The following VPS54 variants were observed in gnomAD, a reference collection of about 807,000 sequenced individuals.
The protein encoded by VPS54 is vacuolar protein sorting-associated protein 54.
VPS54 carries 45 observed loss-of-function variants against 121.5 expected under a neutral mutation model. That is an observed-to-expected ratio of 0.37 (90% CI 0.29 to 0.47). The LOEUF (loss-of-function observed/expected upper bound fraction) is 0.47. VPS54 is among the 20% of genes least tolerant of loss of function. The pLI, the probability that VPS54 is intolerant of heterozygous loss-of-function variation, is 0.99. For missense variants in VPS54, 1,090 were observed against 1,131.4 expected (o/e 0.96, Z 0.52); for synonymous variants, 371 against 385.8 (o/e 0.96, Z 0.45).
intron 8 of VPS54, among the ~76,000 whole-genome samples, chr2:63,947,846 CTTT>C (rs1358508276): frequency 6.6e-6 from 1 of 151,870 alleles, no homozygotes; most frequent in East Asian, 1.9e-4. Context: ...GTTTTTGCTT[CTTT>C]GTTTTGAGAC....
chr2:63,905,117 C>A lies in VPS54; in HGVS notation c.2626-5536G>T, dbSNP rs535909132. Among the ~76,000 whole-genome samples, 13 of 152,120 alleles carry A rather than the reference C, an allele frequency of 8.5e-5. No homozygotes were observed. In the East Asian group the frequency reaches 2.5e-3, roughly 29 times the overall value. ...AAAAAGGAAAAGAAAGGTCTCAAATCAAAAATCTGGGCTTCTACCTTGAGA... is the reference window on the plus strand; with the variant it reads ...AAAAAGGAAAAGAAAGGTCTCAAATAAAAAATCTGGGCTTCTACCTTGAGA... On this transcript the variant is annotated intron_variant, in intron 20 of 22. Coordinates refer to ENST00000272322, the MANE Select transcript of VPS54 (RefSeq NM_016516.3).
At chr2:63,990,406 C>T (rs1225023291) in intron 1 of VPS54, among the ~76,000 whole-genome samples, 1 of 152,152 alleles carries the variant, frequency 6.6e-6, no homozygotes, top group South Asian at 2.1e-4. Flanking sequence ...GCTCCAGGAC[C>T]AAACTACAAT....
At chr2:63,903,630 C>A (rs1672781491) in intron 20 of VPS54, among the ~76,000 whole-genome samples, 1 of 151,818 alleles carries the variant, frequency 6.6e-6, no homozygotes, top group Admixed American at 6.6e-5. Flanking sequence ...TAGCACACAG[C>A]AGGAGAGAGA....
chr2:64,003,803 ACTT>A (rs1431714486), intron 1 of VPS54, among the ~76,000 whole-genome samples: 4 of 152,138 alleles, frequency 2.6e-5, no homozygotes, highest in African/African-American at 9.7e-5. Context: ...TCAGTTAAAA[ACTT>A]CTTTTGAAAG....
chr2:63,922,712 A>G (rs541849669), intron 12 of VPS54, among the ~76,000 whole-genome samples: 12 of 152,314 alleles, frequency 7.9e-5, no homozygotes, highest in African/African-American at 2.6e-4. Flanking sequence ...CGACATTTCT[A>G]TATAAACAGT....
At chr2:64,001,484 T>C (rs1677878171) in intron 1 of VPS54, among the ~76,000 whole-genome samples, 1 of 152,182 alleles carries the variant, frequency 6.6e-6, no homozygotes, top group South Asian at 2.1e-4. Context: ...GGGTCTCACC[T>C]GAAGCCAGCA....
chr2:63,975,131 C>A, intron 3 of VPS54: 1 of 1,106,292 alleles, frequency 9.0e-7, no homozygotes, highest in Non-Finnish European at 1.3e-6. Context: ...CTGCAACCTC[C>A]ACCTCCTGGG....
In VPS54 at chr2:63,978,290, C is replaced by T. The variant is rs75807254; in HGVS notation, c.378+3356G>A. Among the ~76,000 whole-genome samples the T allele has an allele frequency of 1.3e-3, 203 of 152,254 alleles. 2 individuals are homozygous for T. The East Asian group carries it at 0.021, about 16-fold the overall frequency. On this transcript the variant is annotated intron_variant, in intron 3 of 22. Transcript: ENST00000272322. ...TTGTAGCACTTTAAATTCCCACCAGCGGTATATGAGAGTTCCAGTTACTCC... is the reference window on the plus strand; with the variant it reads ...TTGTAGCACTTTAAATTCCCACCAGTGGTATATGAGAGTTCCAGTTACTCC...
intron 8 of VPS54, among the ~76,000 whole-genome samples, chr2:63,948,503 C>G (rs35975566): frequency 0.18 from 26,239 of 146,774 alleles, 3,051 homozygotes; most frequent in Non-Finnish European, 0.24. Context: ...CTCAAGTGAT[C>G]CTCTCGCCTT....
chr2:64,007,901 A>G (rs775011558), intron 1 of VPS54, among the ~76,000 whole-genome samples: 53 of 152,166 alleles, frequency 3.5e-4, no homozygotes, highest in Admixed American at 6.5e-5. Context: ...AGGATACTGG[A>G]TTAAGAACAG....
intron 7 of VPS54, among the ~76,000 whole-genome samples, chr2:63,954,327 A>G (rs1465986449): frequency 3.4e-5 from 5 of 149,040 alleles, no homozygotes; most frequent in African/African-American, 5.2e-5. Flanking sequence ...AATTAAAAAG[A>G]AAGAACTTAA....
rs116719730 is a variant in VPS54, at chr2:63,986,281, C to T, written c.-20-2262G>A. Among the ~76,000 whole-genome samples the T allele has an allele frequency of 4.9e-3, 752 of 152,276 alleles. 10 individuals carry two copies. Among genetic ancestry groups the T allele is most frequent in the African/African-American group, 0.017 (695 of 41,552 alleles). On this transcript the variant is annotated intron_variant, in intron 1 of 22. Coordinates refer to ENST00000272322, the MANE Select transcript of VPS54 (RefSeq NM_016516.3). Reference sequence around the variant, plus strand: ...CCTTCTCCTCCAGGCCCCCTTCCCCCACACTTATCCTTCCAGGCCTCTGGT... The same window carrying T: ...CCTTCTCCTCCAGGCCCCCTTCCCCTACACTTATCCTTCCAGGCCTCTGGT...
intron 3 of VPS54, among the ~76,000 whole-genome samples, chr2:63,973,427 C>T (rs1676376524): frequency 6.6e-6 from 1 of 152,148 alleles, no homozygotes; most frequent in Admixed American, 6.6e-5. Flanking sequence ...ACCATCTTTC[C>T]ATGTGCTAAT....
At position 63,962,096 on chromosome 2, in the gene VPS54, C is replaced by T. The variant is rs775388273; in HGVS notation, c.972G>A (p.Glu324=). 2 of 1,594,626 alleles carry T rather than the reference C, an allele frequency of 1.3e-6. No individual in the cohort carries two copies. The highest frequency in any genetic ancestry group is 1.7e-6 in the Non-Finnish European group (2 of 1,164,482). Reference sequence around the variant, plus strand: ...TGCCCTGAAGTTCCTGCTGTAGAACCTCTTGTGTTGTTGCTATTAAGTCCA... The same window carrying T: ...TGCCCTGAAGTTCCTGCTGTAGAACTTCTTGTGTTGTTGCTATTAAGTCCA... ...GALDLIATTQ[E]VLQQELQGIH... is the part of the protein sequence containing the mutation. The change falls in exon 7 of 23, where the codon GAG becomes GAA. Residue 324 remains glutamate, a synonymous_variant. Coordinates refer to ENST00000272322, the MANE Select transcript of VPS54 (RefSeq NM_016516.3).
chr2:63,900,961 C>T (rs1372995252), intron 20 of VPS54, among the ~76,000 whole-genome samples: 1 of 152,054 alleles, frequency 6.6e-6, no homozygotes, highest in Non-Finnish European at 1.5e-5. Context: ...AGGGTTTCAC[C>T]ATGTTGGCCA....
chr2:64,005,328 C>A (rs1267846801), intron 1 of VPS54, among the ~76,000 whole-genome samples: 1 of 151,490 alleles, frequency 6.6e-6, no homozygotes, highest in Non-Finnish European at 1.5e-5. Flanking sequence ...TGGTCTCGAT[C>A]TCCTGACCTT....
At chr2:64,003,155 G>A (rs1677963296) in intron 1 of VPS54, among the ~76,000 whole-genome samples, 2 of 151,612 alleles carry the variant, frequency 1.3e-5, no homozygotes, top group South Asian at 2.1e-4. Context: ...TGTCTACTCA[G>A]AAAAAAAATC....
chr2:63,898,989 C>T (rs1209450271), intron 21 of VPS54, among the ~76,000 whole-genome samples: 1 of 152,118 alleles, frequency 6.6e-6, no homozygotes, highest in Non-Finnish European at 1.5e-5. Context: ...CTCCATTTTG[C>T]TCTTTTTCCT....
chr2:63,893,620 C>G lies in VPS54; in HGVS notation c.2829-85G>C. ...GTAACAGTGCTCACCGAGTCAGAGT[C>G]CTATTATCTAAAATTCAGATTTCTT... On this transcript the variant is annotated intron_variant, in intron 22 of 22. Transcript: ENST00000272322. 1.7e-6 allele frequency: 2 copies of G among 1,181,024 alleles called. 1 individual carries two copies. The allele number at this position is 1,181,024 out of a possible 1,614,324, so 73.2% of individuals were successfully genotyped here.
Sources: allele counts gnomAD v4.1 joint callset (sites outside exome capture counted in the v4.1 genomes callset), GRCh38; gene constraint gnomAD v4.1.1; transcripts MANE v1.5; gene names NCBI Gene and HGNC (gene_info 2026-07-23, HGNC 2026-07-21).